Variants in TULP4 observed in about 807,000 individuals in gnomAD.
TULP4 encodes TUB like protein 4.
Under a neutral mutation model 129.0 loss-of-function variants are expected in TULP4, and 16 were observed. The ratio of observed to expected loss-of-function variants is 0.12; its 90% CI spans 0.08 to 0.19. The LOEUF is 0.19. Ranked by LOEUF, TULP4 falls within the 10% of genes least tolerant of loss-of-function variation. The pLI, the probability that TULP4 is intolerant of heterozygous loss-of-function variation, is 1.00. For missense variants in TULP4, 1,842 were observed against 2,059.1 expected (o/e 0.89, Z 2.04); for synonymous variants, 998 against 854.0 (o/e 1.17, Z -2.94).
intron 8 of TULP4, among the ~76,000 whole-genome samples, chr6:158,483,697 C>A (rs1421006754): frequency 6.6e-6 from 1 of 151,970 alleles, no homozygotes; most frequent in East Asian, 1.9e-4. Flanking sequence ...GCACCACCAC[C>A]CCCATGCAAA....
intron 1 of TULP4, among the ~76,000 whole-genome samples, chr6:158,239,594 C>A (rs1777811539): frequency 2.1e-4 from 12 of 58,058 alleles, no homozygotes; most frequent in East Asian, 7.5e-4. Context: ...GGGGGCTGAC[C>A]CCCCCCACCT....
intron 2 of TULP4, among the ~76,000 whole-genome samples, chr6:158,428,999 T>G (rs1210553549): frequency 6.6e-6 from 1 of 152,216 alleles, no homozygotes; most frequent in Non-Finnish European, 1.5e-5. Context: ...AAAATTTCTT[T>G]AGAGACAATA....
chr6:158,252,410 C>G (rs1209209977), intron 1 of TULP4, among the ~76,000 whole-genome samples: 1 of 150,660 alleles, frequency 6.6e-6, no homozygotes, highest in Non-Finnish European at 1.5e-5. Flanking sequence ...GAGTCTCGCT[C>G]TGTCACCCAG....
At chr6:158,283,161 A>C (rs1024374482) in intron 1 of TULP4, among the ~76,000 whole-genome samples, 27 of 151,500 alleles carry the variant, frequency 1.8e-4, no homozygotes, top group Non-Finnish European at 3.4e-4. Flanking sequence ...ACAAAAAAAA[A>C]CCCTATAAAG....
intron 1 of TULP4, among the ~76,000 whole-genome samples, chr6:158,283,894 G>A (rs573844138): frequency 4.6e-5 from 7 of 152,046 alleles, no homozygotes; most frequent in African/African-American, 1.2e-4. Flanking sequence ...CTCCTTTGAC[G>A]GCTTATGTAG....
At chr6:158,384,783 C>T (rs1219359306) in intron 1 of TULP4, among the ~76,000 whole-genome samples, 1 of 152,164 alleles carries the variant, frequency 6.6e-6, no homozygotes, top group Non-Finnish European at 1.5e-5. Flanking sequence ...TTGCTGGTAA[C>T]AGCTGAAAGA....
chr6:158,488,459 G>A (rs983762531), intron 8 of TULP4, among the ~76,000 whole-genome samples: 4 of 152,134 alleles, frequency 2.6e-5, no homozygotes, highest in African/African-American at 7.2e-5. Flanking sequence ...TAAAAAGGGG[G>A]TGATGTGGGC....
In TULP4 at chr6:158,476,012, C is replaced by A. The variant is rs140479068; in HGVS notation, c.1027-3739C>A. 1.4e-4 allele frequency among the ~76,000 whole-genome samples: 21 copies of A among 152,308 alleles called. No individual in the cohort carries two copies. The East Asian group carries it at 2.9e-3, about 21-fold the overall frequency. On this transcript the variant is annotated intron_variant, in intron 6 of 13. Transcript: ENST00000367097. The stretch of plus-strand genomic sequence containing the variant: ...GCCTCACTTCTGACCAAACAGTCAT[C>A]ACAGTCATTCATTTCCCCAGGTCAG...
chr6:158,451,156 C>T (rs1333051376), intron 4 of TULP4, among the ~76,000 whole-genome samples: 1 of 152,164 alleles, frequency 6.6e-6, no homozygotes, highest in South Asian at 2.1e-4. Context: ...CAGAGTAAAT[C>T]CAAGAACAGA....
At chr6:158,242,326 C>T in intron 1 of TULP4, 6 of 1,546,158 alleles carry the variant, frequency 3.9e-6, no homozygotes, top group African/African-American at 2.7e-5. Context: ...CCCAGGCTCT[C>T]TGGAGCCACT....
chr6:158,474,606 T>C (rs1779773499), intron 6 of TULP4, among the ~76,000 whole-genome samples: 1 of 152,194 alleles, frequency 6.6e-6, no homozygotes, highest in Non-Finnish European at 1.5e-5. Context: ...TGGCTCTCGC[T>C]CAACACTGTT....
intron 7 of TULP4, among the ~76,000 whole-genome samples, chr6:158,480,573 C>T (rs1324059301): frequency 1.3e-5 from 2 of 152,230 alleles, no homozygotes; most frequent in Non-Finnish European, 2.9e-5. Flanking sequence ...GTGGGTCCCC[C>T]TAACCTTGGG....
intron 1 of TULP4, among the ~76,000 whole-genome samples, chr6:158,402,316 C>T (rs1157735086): frequency 1.3e-5 from 2 of 149,374 alleles, no homozygotes; most frequent in Non-Finnish European, 3.0e-5. Flanking sequence ...TGGACTGCAA[C>T]TTTCAGTATC....
chr6:158,347,244 A>G (rs1463731927), intron 1 of TULP4, among the ~76,000 whole-genome samples: 1 of 152,246 alleles, frequency 6.6e-6, no homozygotes, highest in East Asian at 1.9e-4. Context: ...ACTGAAAAGT[A>G]GAAATTTGTA....
intron 1 of TULP4, among the ~76,000 whole-genome samples, chr6:158,406,229 T>C (rs1777975373): frequency 6.6e-6 from 1 of 152,212 alleles, no homozygotes; most frequent in Non-Finnish European, 1.5e-5. Flanking sequence ...TAGGAAAGCT[T>C]ATTCACCTCA....
At chr6:158,390,581 A>G (rs936130341) in intron 1 of TULP4, among the ~76,000 whole-genome samples, 1 of 152,224 alleles carries the variant, frequency 6.6e-6, no homozygotes, top group Non-Finnish European at 1.5e-5. Context: ...CTCCTAGATA[A>G]GGAAGTTATT....
chr6:158,462,373 CTTTT>C (rs1408745066), intron 6 of TULP4, among the ~76,000 whole-genome samples: 1 of 143,094 alleles, frequency 7.0e-6, no homozygotes, highest in Non-Finnish European at 1.5e-5. Context: ...ATTTTCTTTT[CTTTT>C]TTTCTTTCTT....
At position 158,501,613 on chromosome 6, in the gene TULP4, C is replaced by T. The variant is rs1780446680; in HGVS notation, c.2015-65C>T. The T allele has an allele frequency of 2.7e-6, 4 of 1,497,978 alleles. No homozygotes were observed. In the Middle Eastern group the frequency reaches 7.2e-4, roughly 271 times the overall value. The allele number at this position is 1,497,978 out of a possible 1,614,324, so 92.8% of individuals were successfully genotyped here. On this transcript the variant is annotated intron_variant, in intron 12 of 13. Coordinates refer to ENST00000367097, the MANE Select transcript of TULP4 (RefSeq NM_020245.5). ...AGACTGGATGAGTCCAGACGTATTG[C>T]TTATCCTGATCTGGTTTAATGGCAG...
intron 1 of TULP4, among the ~76,000 whole-genome samples, chr6:158,271,979 G>T (rs752415688): frequency 2.6e-5 from 4 of 152,134 alleles, no homozygotes; most frequent in Non-Finnish European, 5.9e-5. Flanking sequence ...AGTATTTGCG[G>T]AAAAATATTT....
Sources: allele counts gnomAD v4.1 joint callset (sites outside exome capture counted in the v4.1 genomes callset), GRCh38; gene constraint gnomAD v4.1.1; transcripts MANE v1.5; gene names NCBI Gene and HGNC (gene_info 2026-07-23, HGNC 2026-07-21).